Variants in MORC4 observed in about 807,000 individuals in gnomAD.
MORC4 encodes the protein MORC family CW-type zinc finger 4.
Under a neutral mutation model 65.5 loss-of-function variants are expected in MORC4, and 22 were observed. That is an observed-to-expected ratio of 0.34 (90% CI 0.24 to 0.48). The LOEUF (loss-of-function observed/expected upper bound fraction) is 0.48, where lower values mean the gene tolerates loss of function less well. MORC4 is among the 20% of genes least tolerant of loss of function. The pLI is 0.99. For synonymous variants in MORC4, 267 were observed against 255.8 expected, an observed-to-expected ratio of 1.04 and a Z score of -0.42; for missense variants, 624 against 703.0, an observed-to-expected ratio of 0.89 and a Z score of 1.27.
chrX:106,972,515 A>G (rs1934541705), intron 9 of MORC4, among the ~76,000 whole-genome samples: 1 of 111,802 alleles, frequency 8.9e-6, no homozygotes, highest in Non-Finnish European at 1.9e-5. Flanking sequence ...TAGCCATCTC[A>G]GCTGGAGCCA....
intron 3 of MORC4, among the ~76,000 whole-genome samples, chrX:106,991,100 T>C (rs772589620): frequency 9.0e-6 from 1 of 111,554 alleles, no homozygotes; most frequent in South Asian, 3.9e-4. Context: ...TTTCTACCTA[T>C]TTTGCTCCTT....
intron 8 of MORC4, among the ~76,000 whole-genome samples, chrX:106,977,775 A>G (rs1410932104): frequency 9.0e-6 from 1 of 111,532 alleles, no homozygotes; most frequent in African/African-American, 3.2e-5. Context: ...AAATGGAGTT[A>G]CCTAAAACAC....
intron 2 of MORC4, among the ~76,000 whole-genome samples, chrX:106,997,956 A>G (rs187333615): frequency 1.8e-5 from 2 of 111,736 alleles, no homozygotes; most frequent in African/African-American, 3.3e-5. Flanking sequence ...TTATATATCG[A>G]TTTCCATTTT....
At chrX:106,945,168 T>A (rs931051531) in intron 14 of MORC4, among the ~76,000 whole-genome samples, 3 of 111,433 alleles carry the variant, frequency 2.7e-5, no homozygotes, top group Non-Finnish European at 5.7e-5. Flanking sequence ...ATCTCCACTG[T>A]TTTAAGGGGA....
At chrX:106,942,462 G>T in intron 15 of MORC4, 53 bp downstream of exon 15, 2 of 1,078,183 alleles carry the variant, frequency 1.9e-6, no homozygotes, top group Non-Finnish European at 2.5e-6. Context: ...CCAATGTCCC[G>T]CTCCCTTGGT....
chrX:106,995,716 G>A (rs1935066361), intron 2 of MORC4, among the ~76,000 whole-genome samples: 1 of 112,523 alleles, frequency 8.9e-6, no homozygotes, highest in African/African-American at 3.2e-5. Flanking sequence ...GGCAAGACAA[G>A]TGGGCTAAGT....
rs746739271 is a variant in MORC4, at chrX:106,993,310, C to T, written c.228G>A (p.Glu76=). 1.3e-5 allele frequency: 16 copies of T among 1,208,411 alleles called. No homozygotes were observed. In the African/African-American group the frequency reaches 2.3e-4, roughly 17 times the overall value. Residue 76 remains glutamate (E), a synonymous_variant, in exon 3 of 17, where the codon GAG becomes GAA. Coordinates refer to ENST00000355610, the MANE Select transcript of MORC4 (RefSeq NM_024657.5). ...VSARTVFIDV[E]EVKNKSCLTF... is the part of the protein sequence containing the mutation. ...TCAAACAAGATTTATTCTTGACCTC[C>T]TCAACATCTATAAAGACCGTCCTGG...
intron 9 of MORC4, among the ~76,000 whole-genome samples, chrX:106,968,894 C>T (rs1372170679): frequency 1.8e-5 from 2 of 110,838 alleles, no homozygotes; most frequent in Admixed American, 1.9e-4. Flanking sequence ...GAGACTTTAA[C>T]ACCCCTCCAT....
intron 3 of MORC4, among the ~76,000 whole-genome samples, chrX:106,990,541 A>G (rs1435620423): frequency 1.8e-5 from 2 of 112,447 alleles, no homozygotes; most frequent in African/African-American, 6.5e-5. Context: ...TATAGGCATG[A>G]GCCACCATGC....
chrX:106,945,223 A>C (rs1933795343), intron 14 of MORC4, among the ~76,000 whole-genome samples: 1 of 111,446 alleles, frequency 9.0e-6, no homozygotes, highest in South Asian at 3.8e-4. Context: ...AGTAAGTATC[A>C]GAGCTGGGAC....
chrX:106,941,421 G>A lies in MORC4; in HGVS notation c.*58C>T. ...GAGAGAGAGAGAGAGACGTGAGGGA[G>A]GGAGAGAAAAGAGAACAGACAGAAG... On this transcript the variant is annotated 3_prime_UTR_variant, in exon 17 of 17. Transcript: ENST00000355610. 1 of 962,423 alleles carries A rather than the reference G, an allele frequency of 1.0e-6. No individual in the cohort carries two copies. Among genetic ancestry groups the A allele is most frequent in the Non-Finnish European group, 1.4e-6 (1 of 701,265 alleles). 79.3% of individuals were successfully genotyped at this position (962,423 alleles called of 1,213,427 possible). A position where few individuals can be genotyped will look rare whatever the true frequency, so the allele number is the denominator to read the frequency against.
At chrX:106,945,118 A>C (rs920801830) in intron 14 of MORC4, among the ~76,000 whole-genome samples, 4 of 111,926 alleles carry the variant, frequency 3.6e-5, no homozygotes, top group African/African-American at 1.3e-4. Flanking sequence ...GTATTGCCTC[A>C]TCTAATTCTC....
chrX:106,998,626 G>T (rs991842923), intron 2 of MORC4, among the ~76,000 whole-genome samples: 1 of 112,650 alleles, frequency 8.9e-6, no homozygotes, highest in Non-Finnish European at 1.9e-5. Flanking sequence ...AAACCTCAAA[G>T]ATACAGTCCC....
At position 106,942,880 on chromosome X, in the gene MORC4, C is replaced by T. The variant is rs765577077; in HGVS notation, c.2011G>A (p.Ala671Thr). Residue 671 changes from alanine (A) to threonine (T), a missense_variant, in exon 15 of 17, where the codon GCA becomes ACA. Physicochemically the swap from Ala to Thr is moderately conservative, Grantham distance 58. Transcript: ENST00000355610. ...ELEDQMPRLV[A>T]EESNRGSTTI... ...GTGCTACCTCTGTTAGATTCTTCTGCCACCAATCTTGGCATCTGATCTTCT... is the reference window on the plus strand; with the variant it reads ...GTGCTACCTCTGTTAGATTCTTCTGTCACCAATCTTGGCATCTGATCTTCT... 8.3e-7 allele frequency: 1 copy of T among 1,210,048 alleles called. No homozygotes were observed. The highest frequency in any genetic ancestry group is 1.7e-5 in the African/African-American group (1 of 57,263).
intron 5 of MORC4, among the ~76,000 whole-genome samples, chrX:106,984,446 A>T (rs1934818342): frequency 9.8e-6 from 1 of 102,556 alleles, no homozygotes. Flanking sequence ...TAACTCAAAC[A>T]ACTCTGTTTT....
Position 106,958,371 on chromosome X carries a change from T to C in MORC4, c.1350A>G (p.Arg450=), listed in dbSNP as rs139291289. The part of the protein sequence containing the change: ...GKIDPSMLPA[R]WFCYYNSHPK... ...GATGGGAATTATAATAACAAAACCA[T>C]CTTGCAGGTAACATGGATGGATCAA... The change falls in exon 11 of 17, where the codon AGA becomes AGG. Residue 450 remains arginine, a synonymous_variant. Coordinates refer to ENST00000355610, the MANE Select transcript of MORC4 (RefSeq NM_024657.5). The C allele has an allele frequency of 2.7e-5, 32 of 1,204,361 alleles. No homozygotes were observed. In the African/African-American group the frequency reaches 4.4e-4, roughly 17 times the overall value.
chrX:106,966,315 T>C (rs1371231005), intron 9 of MORC4, among the ~76,000 whole-genome samples: 2 of 112,044 alleles, frequency 1.8e-5, no homozygotes, highest in Non-Finnish European at 3.8e-5. Context: ...AAAGTGAGCG[T>C]TTCCAAGATG....
intron 10 of MORC4, among the ~76,000 whole-genome samples, 193 bp downstream of exon 10, chrX:106,961,819 C>T (rs1027675084): frequency 1.8e-5 from 2 of 111,635 alleles, no homozygotes; most frequent in Non-Finnish European, 3.8e-5. Flanking sequence ...ACCTTGCTAC[C>T]ACTCACTCTT....
At chrX:106,992,064 T>C (rs1395950256) in intron 3 of MORC4, among the ~76,000 whole-genome samples, 1 of 111,948 alleles carries the variant, frequency 8.9e-6, no homozygotes, top group African/African-American at 3.3e-5. Context: ...AGTTAAAGGA[T>C]TGGGCCAACT....
Sources: allele counts gnomAD v4.1 joint callset (sites outside exome capture counted in the v4.1 genomes callset), GRCh38; gene constraint gnomAD v4.1.1; transcripts MANE v1.5; gene names NCBI Gene and HGNC (gene_info 2026-07-23, HGNC 2026-07-21).